NAA15: variants seen among roughly 807,000 people sequenced by gnomAD.
NAA15 encodes the protein N-terminal acetyltransferase.
NAA15 carries 34 observed loss-of-function variants against 114.0 expected under a neutral mutation model. That is an observed-to-expected ratio of 0.30 (90% CI 0.23 to 0.40). The LOEUF is 0.40. NAA15 is among the 10% of genes least tolerant of loss of function. NAA15 has a pLI of 1.00. For synonymous variants in NAA15, 340 were observed against 338.0 expected (o/e 1.01, Z -0.06); for missense variants, 658 against 1,004.5 (o/e 0.66, Z 4.66).
chr4:139,336,804 TA>T (rs1265076332), intron 2 of NAA15, 43 bp from the exon 3 acceptor site: 2 of 1,176,290 alleles, frequency 1.7e-6, no homozygotes, highest in South Asian at 1.8e-5. Flanking sequence ...TTTTAATATT[TA>T]TTTTTTTAAA....
At chr4:139,351,323 T>G in intron 8 of NAA15, 37 bp downstream of exon 8, 3 of 1,422,220 alleles carry the variant, frequency 2.1e-6, no homozygotes, top group Non-Finnish European at 2.0e-6. Context: ...AGAAATGCTT[T>G]TATGATTTAA....
chr4:139,331,952 A>G (rs1455244762), intron 1 of NAA15, among the ~76,000 whole-genome samples: 1 of 152,022 alleles, frequency 6.6e-6, no homozygotes, highest in African/African-American at 2.4e-5. Context: ...GTTTCCTGCA[A>G]ATGTGCCTGT....
intron 19 of NAA15, among the ~76,000 whole-genome samples, chr4:139,386,781 C>T (rs780797670): frequency 4.6e-5 from 7 of 151,868 alleles, no homozygotes; most frequent in South Asian, 4.1e-4. Flanking sequence ...GTGATTGTGA[C>T]GCTGTACTCC....
At chr4:139,342,263 A>G (rs1392799837) in intron 4 of NAA15, among the ~76,000 whole-genome samples, 1 of 152,162 alleles carries the variant, frequency 6.6e-6, no homozygotes, top group Non-Finnish European at 1.5e-5. Flanking sequence ...CAAGAAATAA[A>G]GAAGGGTCTT....
intron 15 of NAA15, among the ~76,000 whole-genome samples, chr4:139,373,580 C>T (rs1335728853): frequency 1.3e-5 from 2 of 152,152 alleles, no homozygotes; most frequent in Admixed American, 1.3e-4. Flanking sequence ...TTGGCAGAAG[C>T]TGTATCACTT....
chr4:139,368,385 C>T (rs528852580), intron 14 of NAA15, among the ~76,000 whole-genome samples: 21 of 152,028 alleles, frequency 1.4e-4, no homozygotes, highest in South Asian at 2.1e-4. Flanking sequence ...AGACCAGCCT[C>T]GTCAACATAG....
At chr4:139,330,186 T>G (rs1460264103) in intron 1 of NAA15, among the ~76,000 whole-genome samples, 1 of 152,218 alleles carries the variant, frequency 6.6e-6, no homozygotes, top group African/African-American at 2.4e-5. Context: ...ACCCTCTTCC[T>G]TATAGGTATG....
At chr4:139,333,810 G>A (rs1747110552) in intron 1 of NAA15, among the ~76,000 whole-genome samples, 1 of 152,146 alleles carries the variant, frequency 6.6e-6, no homozygotes, top group African/African-American at 2.4e-5. Flanking sequence ...TGAGATAGAA[G>A]TATTCCTTGG....
At chr4:139,310,339 A>G (rs975854979) in intron 1 of NAA15, among the ~76,000 whole-genome samples, 1 of 149,652 alleles carries the variant, frequency 6.7e-6, no homozygotes, top group Non-Finnish European at 1.5e-5. Context: ...CTGTAGTCCC[A>G]GCTACTTGGG....
intron 9 of NAA15, 105 bp downstream of exon 9, chr4:139,351,716 C>A: frequency 1.8e-6 from 1 of 571,340 alleles, no homozygotes; most frequent in South Asian, 3.0e-5. Context: ...TTTTGTGAAT[C>A]TCATGTCAGT....
intron 1 of NAA15, among the ~76,000 whole-genome samples, chr4:139,333,701 A>C (rs1257091860): frequency 1.3e-5 from 2 of 152,136 alleles, no homozygotes; most frequent in Non-Finnish European, 2.9e-5. Context: ...GGAGTCTGAG[A>C]CCAGCCTAGG....
Position 139,301,669 on chromosome 4 carries a change from G to A in NAA15, c.-109G>A, listed in dbSNP as rs889428340. On this transcript the variant is annotated 5_prime_UTR_variant, in exon 1 of 20. Coordinates refer to ENST00000296543, the MANE Select transcript of NAA15 (RefSeq NM_057175.5). ...ACACCCGAGGCCTGGTGGTGGCGGC[G>A]GATCGAGATATTCAAGGCTGAAGCA... 5 of 1,290,644 alleles carry A rather than the reference G, an allele frequency of 3.9e-6. No homozygotes were observed. In the Admixed American group the frequency reaches 1.1e-4, roughly 29 times the overall value. The allele number at this position is 1,290,644 out of a possible 1,614,324, so 79.9% of individuals were successfully genotyped here.
chr4:139,354,157 T>G, intron 10 of NAA15, 59 bp downstream of exon 10: 1 of 1,390,126 alleles, frequency 7.2e-7, no homozygotes, highest in Non-Finnish European at 1.0e-6. Context: ...CATTGTGAAA[T>G]TCTTAATCAG....
At chr4:139,332,409 G>A (rs990475370) in intron 1 of NAA15, among the ~76,000 whole-genome samples, 2 of 151,840 alleles carry the variant, frequency 1.3e-5, no homozygotes, top group African/African-American at 4.8e-5. Flanking sequence ...GATTACAGAT[G>A]TGAGCCACCA....
chr4:139,318,641 G>A (rs1195683391), intron 1 of NAA15, among the ~76,000 whole-genome samples: 1 of 152,080 alleles, frequency 6.6e-6, no homozygotes, highest in Non-Finnish European at 1.5e-5. Context: ...ATTGCCTGAG[G>A]TCAGGAGTTC....
chr4:139,343,212 A>T (rs1579108650), intron 5 of NAA15, among the ~76,000 whole-genome samples: 1 of 152,218 alleles, frequency 6.6e-6, no homozygotes, highest in Non-Finnish European at 1.5e-5. Flanking sequence ...GAGTAATTGC[A>T]AGACATCATG....
At chr4:139,336,758 AT>A in intron 2 of NAA15, 89 bp from the exon 3 acceptor site, 1 of 628,842 alleles carries the variant, frequency 1.6e-6, no homozygotes, top group Non-Finnish European at 2.5e-6. Context: ...GCAGTGTAGC[AT>A]TTGTTTTTGA....
rs1431508637 is a variant in NAA15 at position 139,388,917 on chromosome 4, C to A, written c.*833C>A. On this transcript the variant is annotated 3_prime_UTR_variant, in exon 20 of 20. Coordinates refer to ENST00000296543, the MANE Select transcript of NAA15 (RefSeq NM_057175.5). Reference sequence around the variant, plus strand: ...CTAATTAGCAAGCATGAATTTTTCACCCAAGAGTGAAAAAAGGAAAATCTA... The same window carrying A: ...CTAATTAGCAAGCATGAATTTTTCAACCAAGAGTGAAAAAAGGAAAATCTA... 6.6e-6 allele frequency: 1 copy of A among 152,518 alleles called. No homozygotes were observed. Among genetic ancestry groups the A allele is most frequent in the African/African-American group, 2.4e-5 (1 of 41,404 alleles). 9.4% of individuals were successfully genotyped at this position (152,518 alleles called of 1,614,324 possible).
At chr4:139,309,077 G>C (rs140015119) in intron 1 of NAA15, among the ~76,000 whole-genome samples, 1 of 151,952 alleles carries the variant, frequency 6.6e-6, no homozygotes, top group East Asian at 1.9e-4. Flanking sequence ...GCCGGGCACA[G>C]TGGCTCACGC....
Sources: gnomAD v4.1 joint callset for allele counts (sites outside exome capture counted in the v4.1 genomes callset) on GRCh38, gnomAD v4.1.1 for gene constraint, MANE v1.5 for transcripts, NCBI Gene and HGNC (gene_info 2026-07-23, HGNC 2026-07-21) for gene names.